PHEX: variants seen among roughly 807,000 people sequenced by gnomAD.
PHEX encodes phosphate regulating endopeptidase X-linked.
Under a neutral mutation model 68.0 loss-of-function variants are expected in PHEX, and 16 were observed. The observed-to-expected ratio is 0.24, with a 90% CI of 0.16 to 0.36. The LOEUF is 0.36. PHEX is among the 10% of genes least tolerant of loss of function. The pLI is 1.00. For synonymous variants in PHEX, 208 were observed against 205.1 expected, an observed-to-expected ratio of 1.01 and a Z score of -0.12; for missense variants, 480 against 575.5, an observed-to-expected ratio of 0.83 and a Z score of 1.70.
chrX:22,230,955 A>G (rs1935712435), intron 20 of PHEX, among the ~76,000 whole-genome samples: 1 of 111,909 alleles, frequency 8.9e-6, no homozygotes, highest in Admixed American at 9.5e-5. Context: ...ACGTGCCATC[A>G]ATACCTAGTT....
intron 12 of PHEX, among the ~76,000 whole-genome samples, chrX:22,150,656 C>T (rs933808107): frequency 2.7e-5 from 3 of 112,108 alleles, no homozygotes; most frequent in Admixed American, 9.5e-5. Context: ...TGTGACTTGC[C>T]AACTTGGTCT....
At position 22,249,583 on chromosome X, in the gene PHEX, A is replaced by C; in HGVS notation, c.*1630A>C. 1 of 102,268 alleles carries C rather than the reference A, an allele frequency of 9.8e-6. No homozygotes were observed. Among genetic ancestry groups the C allele is most frequent in the Admixed American group, 1.1e-4 (1 of 9,268 alleles). 8.4% of individuals were successfully genotyped at this position (102,268 alleles called of 1,213,427 possible). A position where few individuals can be genotyped will look rare whatever the true frequency, so the allele number is the denominator to read the frequency against. On this transcript the variant is annotated 3_prime_UTR_variant, in exon 22 of 22. Transcript: ENST00000379374. ...GGCACCATCATGAGGAAACAATTAT[A>C]CTGCATTAGTCAGAGGAGAGCGATT...
At chrX:22,215,415 G>A (rs1935055903) in intron 16 of PHEX, among the ~76,000 whole-genome samples, 1 of 111,261 alleles carries the variant, frequency 9.0e-6, no homozygotes, top group Admixed American at 9.6e-5. Flanking sequence ...AAGGGAGTGG[G>A]TATCCTTTCT....
chrX:22,051,388 G>A (rs1927827025), intron 3 of PHEX, among the ~76,000 whole-genome samples: 1 of 110,986 alleles, frequency 9.0e-6, no homozygotes, highest in Non-Finnish European at 1.9e-5. Context: ...AAAATCAGCT[G>A]GGTGTGGTGG....
chrX:22,089,851 A>T (rs1282367782), intron 5 of PHEX, among the ~76,000 whole-genome samples: 1 of 112,396 alleles, frequency 8.9e-6, no homozygotes, highest in Non-Finnish European at 1.9e-5. Context: ...GGGTTCTAAC[A>T]TTTGCGAAGG....
chrX:22,212,828 A>G (rs779386922), intron 15 of PHEX, 76 bp from the exon 16 acceptor site: 89 of 798,611 alleles, frequency 1.1e-4, no homozygotes, highest in Non-Finnish European at 1.6e-4. Flanking sequence ...TTGAAACCTC[A>G]GTGTTATAGC....
intron 12 of PHEX, among the ~76,000 whole-genome samples, chrX:22,166,222 A>G (rs1424070046): frequency 1.8e-5 from 2 of 112,011 alleles, no homozygotes; most frequent in East Asian, 2.8e-4. Flanking sequence ...ATCTTTCACA[A>G]TGTTGCAAAG....
chrX:22,214,474 C>T (rs779403385), intron 16 of PHEX, among the ~76,000 whole-genome samples: 2 of 112,421 alleles, frequency 1.8e-5, no homozygotes, highest in Non-Finnish European at 3.8e-5. Flanking sequence ...CATTATTCCA[C>T]CTACCACATG....
intron 14 of PHEX, among the ~76,000 whole-genome samples, chrX:22,185,452 C>A (rs991088687): frequency 8.9e-6 from 1 of 111,994 alleles, no homozygotes; most frequent in East Asian, 2.8e-4. Flanking sequence ...GGTTGACCTA[C>A]ATGGGTGTAA....
chrX:22,111,032 C>T (rs1385796078), intron 9 of PHEX, among the ~76,000 whole-genome samples: 1 of 112,443 alleles, frequency 8.9e-6, no homozygotes, highest in Non-Finnish European at 1.9e-5. Flanking sequence ...GGAGAATGTG[C>T]AAACTCTACA....
chrX:22,074,923 A>G (rs779547454), intron 3 of PHEX, among the ~76,000 whole-genome samples: 1 of 109,997 alleles, frequency 9.1e-6, no homozygotes, highest in South Asian at 3.9e-4. Flanking sequence ...TAAAAATACA[A>G]AAAATTAGCC....
intron 12 of PHEX, among the ~76,000 whole-genome samples, chrX:22,152,686 T>C (rs1349681502): frequency 8.9e-6 from 1 of 111,854 alleles, no homozygotes; most frequent in African/African-American, 3.3e-5. Flanking sequence ...AAAAAGTAAT[T>C]TATGGAGACA....
chrX:22,165,385 C>G (rs1325590369), intron 12 of PHEX, among the ~76,000 whole-genome samples: 1 of 111,771 alleles, frequency 8.9e-6, no homozygotes, highest in African/African-American at 3.3e-5. Flanking sequence ...CAGAACTAGT[C>G]TGATCCTGCA....
chrX:22,184,976 A>G (rs1308509362), intron 14 of PHEX, among the ~76,000 whole-genome samples: 2 of 112,274 alleles, frequency 1.8e-5, no homozygotes, highest in Non-Finnish European at 3.8e-5. Flanking sequence ...TCCCTAGACT[A>G]TCTGTAGGAG....
At chrX:22,169,032 T>C (rs1218409333) in intron 13 of PHEX, among the ~76,000 whole-genome samples, 1 of 112,122 alleles carries the variant, frequency 8.9e-6, no homozygotes, top group Non-Finnish European at 1.9e-5. Flanking sequence ...ATAAGTGATT[T>C]TTCTTCCTCA....
At chrX:22,210,079 A>T (rs1934870517) in intron 15 of PHEX, among the ~76,000 whole-genome samples, 2 of 112,243 alleles carry the variant, frequency 1.8e-5, no homozygotes, top group Admixed American at 9.4e-5. Context: ...GCTAAATACA[A>T]CTTATCCACT....
At chrX:22,145,477 A>G (rs1932654197) in intron 12 of PHEX, among the ~76,000 whole-genome samples, 1 of 111,321 alleles carries the variant, frequency 9.0e-6, no homozygotes, top group Non-Finnish European at 1.9e-5. Flanking sequence ...TTAGCCAGGC[A>G]TGGTGTCATG....
intron 6 of PHEX, 70 bp downstream of exon 6, chrX:22,090,567 T>A: frequency 1.4e-6 from 1 of 721,436 alleles, no homozygotes; most frequent in Non-Finnish European, 2.2e-6. Context: ...CTAAGGCCGC[T>A]GCTTCTTTAT....
At chrX:22,235,079 G>A (rs760013057) in intron 20 of PHEX, among the ~76,000 whole-genome samples, 1 of 111,115 alleles carries the variant, frequency 9.0e-6, no homozygotes, top group African/African-American at 3.3e-5. Flanking sequence ...CCCTTGGGTA[G>A]GGGAGAAAAT....
Sources: allele counts gnomAD v4.1 joint callset (sites outside exome capture counted in the v4.1 genomes callset), GRCh38; gene constraint gnomAD v4.1.1; transcripts MANE v1.5; gene names NCBI Gene and HGNC (gene_info 2026-07-23, HGNC 2026-07-21).